The following NR3C2 variants were observed in gnomAD, a reference collection of about 807,000 sequenced individuals.
NR3C2 encodes the protein mineralocorticoid receptor.
Under a neutral mutation model 86.4 loss-of-function variants are expected in NR3C2, and 15 were observed. The ratio of observed to expected loss-of-function variants is 0.17; its 90% confidence interval spans 0.12 to 0.27. The LOEUF (loss-of-function observed/expected upper bound fraction) is 0.27, where lower values mean the gene tolerates loss of function less well. Among genes scored for constraint, NR3C2 ranks in the 10% least tolerant of loss-of-function variants. The pLI is 1.00. For synonymous variants in NR3C2, 458 were observed against 450.5 expected, an observed-to-expected ratio of 1.02 and a Z score of -0.21; for missense variants, 960 against 1,195.6, an observed-to-expected ratio of 0.80 and a Z score of 2.91.
rs1175816621 is a variant in NR3C2, at chr4:148,134,643, CTTTTTTT to C, written c.2511-14362_2511-14356del. On this transcript the variant is annotated intron_variant, in intron 6 of 8. Transcript: ENST00000358102. ...CCTGTGATTCTCTCTCTCTCTCTCTCTTTTTTTTTTTTTTTTTTTTTTTTAGAGGGAG... is the reference window on the plus strand; with the variant it reads ...CCTGTGATTCTCTCTCTCTCTCTCTCTTTTTTTTTTTTTTTTTAGAGGGAG... 3.9e-4 allele frequency among the ~76,000 whole-genome samples: 16 copies of C among 40,806 alleles called. 1 individual carries two copies. Among genetic ancestry groups the C allele is most frequent in the Admixed American group, 1.3e-3 (4 of 2,996 alleles). The allele number at this position is 40,806 out of a possible 152,430, so 26.8% of individuals were successfully genotyped here.
Position 148,432,687 on chromosome 4 carries a change from TATC to T in NR3C2, c.1757+2414_1757+2416del, listed in dbSNP as rs1749848547. Among the ~76,000 whole-genome samples, 3 of 152,292 alleles carry T rather than the reference TATC, an allele frequency of 2.0e-5. No individual in the cohort carries two copies. The South Asian group carries it at 6.2e-4, about 32-fold the overall frequency. ...CTATTCAACATTCCCTGAAATGAGT[TATC>T]ATCATATTTTAAGAAATAGGCAAAA... On this transcript the variant is annotated intron_variant, in intron 2 of 8. Transcript: ENST00000358102.
At chr4:148,148,877 C>T (rs1021185602) in intron 6 of NR3C2, among the ~76,000 whole-genome samples, 4 of 152,076 alleles carry the variant, frequency 2.6e-5, no homozygotes, top group African/African-American at 9.7e-5. Flanking sequence ...AAAACTACTG[C>T]TTAGAATACT....
At chr4:148,237,268 T>G (rs755929076) in intron 3 of NR3C2, among the ~76,000 whole-genome samples, 4 of 152,192 alleles carry the variant, frequency 2.6e-5, no homozygotes, top group Non-Finnish European at 4.4e-5. Flanking sequence ...TTTATCACTA[T>G]AAAATATCAA....
chr4:148,142,971 G>A (rs1030145973), intron 6 of NR3C2, among the ~76,000 whole-genome samples: 1 of 152,144 alleles, frequency 6.6e-6, no homozygotes, highest in Non-Finnish European at 1.5e-5. Context: ...CTGCCATGAT[G>A]GGAAGCTTCC....
At chr4:148,147,792 G>A (rs567558240) in intron 6 of NR3C2, among the ~76,000 whole-genome samples, 19 of 152,324 alleles carry the variant, frequency 1.2e-4, no homozygotes, top group African/African-American at 2.6e-4. Context: ...ATGGCTCAGC[G>A]AAAGCATATA....
At chr4:148,235,860 A>T (rs1345442731) in intron 3 of NR3C2, among the ~76,000 whole-genome samples, 1 of 152,208 alleles carries the variant, frequency 6.6e-6, no homozygotes, top group Non-Finnish European at 1.5e-5. Context: ...TCTAAAACAA[A>T]AAAATTTATC....
chr4:148,303,025 G>T (rs1742420527), intron 2 of NR3C2, among the ~76,000 whole-genome samples: 2 of 152,162 alleles, frequency 1.3e-5, no homozygotes, highest in South Asian at 4.2e-4. Context: ...TTCCATCAAA[G>T]CCAGTCTAAA....
chr4:148,401,481 TGAGAC>T (rs1748160024), intron 2 of NR3C2, among the ~76,000 whole-genome samples: 1 of 145,528 alleles, frequency 6.9e-6, no homozygotes, highest in African/African-American at 2.6e-5. Flanking sequence ...TTTTTTTTTT[TGAGAC>T]AGAGTCTTGC....
chr4:148,143,006 C>T (rs1046578565), intron 6 of NR3C2, among the ~76,000 whole-genome samples: 2 of 152,156 alleles, frequency 1.3e-5, no homozygotes, highest in African/African-American at 4.8e-5. Flanking sequence ...ATGCAGATGC[C>T]GGTGCTATGC....
chr4:148,184,473 T>C (rs1455032351), intron 4 of NR3C2, among the ~76,000 whole-genome samples: 1 of 151,562 alleles, frequency 6.6e-6, no homozygotes, highest in African/African-American at 2.4e-5. Context: ...AAAAAAAGAA[T>C]GATAAGGATA....
intron 2 of NR3C2, among the ~76,000 whole-genome samples, chr4:148,366,695 C>A (rs1399292208): frequency 1.3e-5 from 2 of 151,994 alleles, no homozygotes; most frequent in East Asian, 3.9e-4. Flanking sequence ...AAAAATTCTG[C>A]TTTATTTTCT....
chr4:148,396,719 C>T (rs1305019996), intron 2 of NR3C2, among the ~76,000 whole-genome samples: 6 of 152,146 alleles, frequency 3.9e-5, no homozygotes, highest in Non-Finnish European at 1.5e-5. Flanking sequence ...CACAACAGAC[C>T]ATTTTAATGT....
chr4:148,099,645 TAGAA>T (rs1382936834), intron 8 of NR3C2, among the ~76,000 whole-genome samples: 2 of 152,154 alleles, frequency 1.3e-5, no homozygotes, highest in South Asian at 2.1e-4. Context: ...TGACAGGACT[TAGAA>T]AGAAAGACAC....
intron 2 of NR3C2, among the ~76,000 whole-genome samples, chr4:148,312,696 T>C (rs1402870437): frequency 6.6e-6 from 1 of 152,224 alleles, no homozygotes; most frequent in African/African-American, 2.4e-5. Flanking sequence ...TGTTAAATAA[T>C]GTCACATTAA....
rs2149699314 is a variant in NR3C2, at chr4:148,078,810, AAGAC to A, written c.*2530_*2533del. 1 of 152,790 alleles carries A rather than the reference AAGAC, an allele frequency of 6.5e-6. No individual in the cohort carries two copies. Among genetic ancestry groups the A allele is most frequent in the Admixed American group, 6.5e-5 (1 of 15,306 alleles). 9.5% of individuals were successfully genotyped at this position (152,790 alleles called of 1,614,324 possible). ...TGTAATCTGCTTACAGTCCTTTGCA[AAGAC>A]AGACATATGTTTTTGCATAAAGATA... On this transcript the variant is annotated 3_prime_UTR_variant, in exon 9 of 9. Coordinates refer to ENST00000358102, the MANE Select transcript of NR3C2 (RefSeq NM_000901.5).
chr4:148,187,024 A>G (rs1245407301), intron 4 of NR3C2, among the ~76,000 whole-genome samples: 1 of 124,532 alleles, frequency 8.0e-6, no homozygotes, highest in Admixed American at 8.3e-5. Context: ...ATATATATAT[A>G]TATATATATA....
intron 2 of NR3C2, among the ~76,000 whole-genome samples, chr4:148,319,472 T>C (rs1263820004): frequency 6.6e-6 from 1 of 151,554 alleles, no homozygotes; most frequent in East Asian, 1.9e-4. Flanking sequence ...TTGGGCAGTA[T>C]GGCCATTTTC....
intron 4 of NR3C2, among the ~76,000 whole-genome samples, chr4:148,176,060 A>G (rs3843412): frequency 1 from 152,347 of 152,350 alleles, 76,172 homozygotes; most frequent in Non-Finnish European, 1. Context: ...CATCAGATGC[A>G]AAGAGTTTCT....
intron 2 of NR3C2, among the ~76,000 whole-genome samples, chr4:148,332,984 G>A (rs1421649809): frequency 6.6e-6 from 1 of 152,120 alleles, no homozygotes; most frequent in Non-Finnish European, 1.5e-5. Context: ...ATAACTTTCT[G>A]GCTGGGCACA....
Sources: allele counts gnomAD v4.1 joint callset (sites outside exome capture counted in the v4.1 genomes callset), GRCh38; gene constraint gnomAD v4.1.1; transcripts MANE v1.5; gene names NCBI Gene and HGNC (gene_info 2026-07-23, HGNC 2026-07-21).